Variants in NHSL2 observed in about 807,000 individuals in gnomAD.
NHSL2 encodes NHS like 2, also known as NHS-like protein 2.
Under a neutral mutation model 53.4 loss-of-function variants are expected in NHSL2, and 27 were observed. That is an observed-to-expected ratio of 0.51 (90% CI 0.37 to 0.70). The LOEUF (loss-of-function observed/expected upper bound fraction) is 0.70. Among genes scored for constraint, NHSL2 ranks in the 30% least tolerant of loss-of-function variants. NHSL2 has a pLI of 0.00. For synonymous variants in NHSL2, 408 were observed against 404.1 expected (o/e 1.01, Z -0.12); for missense variants, 892 against 980.1 (o/e 0.91, Z 1.20).
intron 6 of NHSL2, among the ~76,000 whole-genome samples, chrX:72,141,695 T>C (rs1301869256): frequency 2.7e-5 from 3 of 112,645 alleles, no homozygotes; most frequent in African/African-American, 6.4e-5. Context: ...TCAGGGTTCA[T>C]CCATGTTTCT....
At chrX:72,100,362 T>C (rs2041981525) in intron 1 of NHSL2, among the ~76,000 whole-genome samples, 1 of 112,328 alleles carries the variant, frequency 8.9e-6, no homozygotes, top group Non-Finnish European at 1.9e-5. Context: ...CTACAGGCAG[T>C]TGTAACACGA....
At chrX:72,082,242 G>A (rs2041798456) in intron 1 of NHSL2, among the ~76,000 whole-genome samples, 1 of 111,575 alleles carries the variant, frequency 9.0e-6, no homozygotes, top group Admixed American at 9.5e-5. Context: ...AAAATGTATG[G>A]TCAGGAATCT....
At chrX:71,927,052 C>G (rs1241080756) in intron 1 of NHSL2, among the ~76,000 whole-genome samples, 2 of 111,733 alleles carry the variant, frequency 1.8e-5, no homozygotes, top group Admixed American at 1.9e-4. Context: ...CTTGGAGACC[C>G]AGGTTAAATT....
At chrX:72,054,980 G>C (rs1282105788) in intron 1 of NHSL2, among the ~76,000 whole-genome samples, 1 of 111,527 alleles carries the variant, frequency 9.0e-6, no homozygotes, top group Non-Finnish European at 1.9e-5. Flanking sequence ...TTTGTAAAAG[G>C]ACAGCTTGGG....
chrX:71,962,566 CTT>C (rs57089977), intron 1 of NHSL2, among the ~76,000 whole-genome samples: 204 of 105,246 alleles, frequency 1.9e-3, no homozygotes, highest in African/African-American at 6.4e-3. Flanking sequence ...ACTTGGTTCT[CTT>C]ATAATTTTTT....
intron 1 of NHSL2, among the ~76,000 whole-genome samples, chrX:72,108,407 G>A (rs902862582): frequency 8.0e-5 from 9 of 112,606 alleles, no homozygotes; most frequent in African/African-American, 2.6e-4. Context: ...AACTTCCCTA[G>A]GAAGTAGTTA....
At chrX:72,008,381 C>T (rs757526799) in intron 1 of NHSL2, among the ~76,000 whole-genome samples, 1 of 111,993 alleles carries the variant, frequency 8.9e-6, no homozygotes, top group Admixed American at 9.4e-5. Context: ...TAAGCCAATT[C>T]GTGGAGGAGC....
At position 72,147,412 on chromosome X, in the gene NHSL2, C is replaced by G. The variant is rs2042472753; in HGVS notation, c.*3838C>G. ...TAAAGTAATATCAGTTTATCTTCTTCCTATGAACAAGTATAGTCCTTCTGA... is the reference window on the plus strand; with the variant it reads ...TAAAGTAATATCAGTTTATCTTCTTGCTATGAACAAGTATAGTCCTTCTGA... On this transcript the variant is annotated 3_prime_UTR_variant, in exon 8 of 8. Transcript: ENST00000633930. The G allele has an allele frequency of 8.9e-6, 1 of 112,318 alleles. No homozygotes were observed. Among genetic ancestry groups the G allele is most frequent in the African/African-American group, 3.2e-5 (1 of 30,881 alleles). 9.3% of individuals were successfully genotyped at this position (112,318 alleles called of 1,213,427 possible). A position where few individuals can be genotyped will look rare whatever the true frequency, so the allele number is the denominator to read the frequency against.
intron 1 of NHSL2, among the ~76,000 whole-genome samples, chrX:72,062,426 A>C (rs1269401568): frequency 8.9e-6 from 1 of 112,512 alleles, no homozygotes; most frequent in Non-Finnish European, 1.9e-5. Context: ...AGGCTCAAAA[A>C]TACTTGGAGA....
At chrX:72,097,629 C>T (rs887497086) in intron 1 of NHSL2, among the ~76,000 whole-genome samples, 1 of 111,967 alleles carries the variant, frequency 8.9e-6, no homozygotes, top group African/African-American at 3.3e-5. Context: ...ACCCACCCTT[C>T]GGAAGCTATT....
chrX:72,095,721 G>A (rs1460547385), intron 1 of NHSL2, among the ~76,000 whole-genome samples: 4 of 111,678 alleles, frequency 3.6e-5, no homozygotes, highest in South Asian at 3.7e-4. Flanking sequence ...AGCCAGAAAG[G>A]CATGGGCTTT....
chrX:72,142,222 TTA>T lies in NHSL2; in HGVS notation c.3224-8_3224-7del. The T allele has an allele frequency of 8.6e-7, 1 of 1,157,297 alleles. No individual in the cohort carries two copies. The highest frequency in any genetic ancestry group is 1.2e-6 in the Non-Finnish European group (1 of 866,400). On this transcript the variant is annotated splice_region_variant and splice_polypyrimidine_tract_variant and intron_variant, in intron 6 of 7. Coordinates refer to ENST00000633930, the MANE Select transcript of NHSL2 (RefSeq NM_001013627.3). ...GGTCAAAGTCATTCCTTTTGGTTTTTTATGTCTAGGGAGTTCTGTGGAACCAG... is the reference window on the plus strand; with the variant it reads ...GGTCAAAGTCATTCCTTTTGGTTTTTTGTCTAGGGAGTTCTGTGGAACCAG...
intron 1 of NHSL2, among the ~76,000 whole-genome samples, chrX:72,067,342 T>A (rs1183661956): frequency 1.8e-5 from 2 of 111,534 alleles, no homozygotes; most frequent in Non-Finnish European, 3.8e-5. Flanking sequence ...TTCCTCATGT[T>A]CCTGGAAATA....
chrX:71,969,790 A>G (rs1031923733), intron 1 of NHSL2, among the ~76,000 whole-genome samples: 1 of 112,005 alleles, frequency 8.9e-6, no homozygotes, highest in Admixed American at 9.5e-5. Flanking sequence ...TTTTTAAACT[A>G]ATTGCTCTAG....
chrX:71,964,029 A>ATATATATATGTGTGTG (rs1556312371), intron 1 of NHSL2, among the ~76,000 whole-genome samples: 2 of 32,072 alleles, frequency 6.2e-5, no homozygotes, highest in Non-Finnish European at 9.6e-5. Context: ...ATATATGTGT[A>ATATATATATGTGTGTG]TATATATATA....
chrX:72,032,646 G>T (rs1052132607), intron 1 of NHSL2, among the ~76,000 whole-genome samples: 6 of 111,493 alleles, frequency 5.4e-5, no homozygotes. Context: ...ATCACTTGAG[G>T]TCAGGAGTTC....
intron 1 of NHSL2, among the ~76,000 whole-genome samples, chrX:71,981,723 A>G (rs1278184212): frequency 8.9e-6 from 1 of 111,930 alleles, no homozygotes; most frequent in Non-Finnish European, 1.9e-5. Context: ...ACATGAAAAG[A>G]TGTTCAACAT....
chrX:72,141,693 C>T, intron 6 of NHSL2, among the ~76,000 whole-genome samples: 1 of 112,463 alleles, frequency 8.9e-6, no homozygotes, highest in Non-Finnish European at 1.9e-5. Context: ...TGTCAGGGTT[C>T]ATCCATGTTT....
intron 1 of NHSL2, among the ~76,000 whole-genome samples, chrX:72,104,867 G>A (rs1285260040): frequency 9.0e-6 from 1 of 111,502 alleles, no homozygotes; most frequent in African/African-American, 3.3e-5. Flanking sequence ...AGAAAAGGCA[G>A]GGAGAGAAAA....
Sources: allele counts gnomAD v4.1 joint callset (sites outside exome capture counted in the v4.1 genomes callset), GRCh38; gene constraint gnomAD v4.1.1; transcripts MANE v1.5; gene names NCBI Gene and HGNC (gene_info 2026-07-23, HGNC 2026-07-21).